The following GALNT16 variants were observed in gnomAD, a reference collection of about 807,000 sequenced individuals.
GALNT16 encodes the protein polypeptide N-acetylgalactosaminyltransferase 16.
A neutral mutation model predicts 76.1 loss-of-function variants in GALNT16; 40 were observed. That is an observed-to-expected ratio of 0.53 (90% CI 0.41 to 0.68). The LOEUF is 0.68. GALNT16 is among the 30% of genes least tolerant of loss of function. The pLI is 0.00. For synonymous variants in GALNT16, 276 were observed against 285.2 expected (o/e 0.97, Z 0.32); for missense variants, 621 against 731.9 (o/e 0.85, Z 1.75).
chr14:69,260,353 C>A lies in GALNT16; in HGVS notation c.63C>A (p.Phe21Leu), dbSNP rs754222893. Residue 21 changes from phenylalanine (F) to leucine (L), a missense_variant, in exon 1 of 15, where the codon TTC (phenylalanine) becomes TTA (leucine). Transcript: ENST00000448469. The part of the protein sequence containing the change: ...ILTVAWILGT[F>L]YYLWQDNRAH... ...CCGTAGCCTGGATCCTGGGCACTTTCTACTACTTATGGCAGGACAACCGAG... is the reference window on the plus strand; with the variant it reads ...CCGTAGCCTGGATCCTGGGCACTTTATACTACTTATGGCAGGACAACCGAG... The A allele has an allele frequency of 3.1e-6, 5 of 1,612,826 alleles. No homozygotes were observed. In the East Asian group the frequency reaches 1.1e-4, roughly 36 times the overall value.
At chr14:69,337,898 A>G (rs1461602844) in intron 9 of GALNT16, among the ~76,000 whole-genome samples, 1 of 152,182 alleles carries the variant, frequency 6.6e-6, no homozygotes, top group East Asian at 1.9e-4. Context: ...GGAAGAGACT[A>G]TAGGGTTAAT....
intron 1 of GALNT16, among the ~76,000 whole-genome samples, chr14:69,318,503 GTGAATGCAAGCATTCATAAACAAA>G: frequency 6.6e-6 from 1 of 152,202 alleles, no homozygotes; most frequent in South Asian, 2.1e-4. Flanking sequence ...GAATGGATGA[GTGAATGCAAGCATTCATAAACAAA>G]TGAATGCATG....
chr14:69,274,971 G>T (rs1208818992), intron 1 of GALNT16, among the ~76,000 whole-genome samples: 1 of 152,182 alleles, frequency 6.6e-6, no homozygotes, highest in African/African-American at 2.4e-5. Flanking sequence ...TACTTGTCAG[G>T]ATACCCACCA....
chr14:69,338,835 C>T (rs1645936051), intron 10 of GALNT16, 58 bp downstream of exon 10: 2 of 1,404,286 alleles, frequency 1.4e-6, no homozygotes, highest in Non-Finnish European at 2.0e-6. Context: ...CCCAAGCCCC[C>T]AGCCTTGCCA....
intron 12 of GALNT16, 121 bp downstream of exon 12, chr14:69,341,885 C>G (rs961666872): frequency 4.4e-6 from 3 of 677,008 alleles, no homozygotes; most frequent in Non-Finnish European, 8.1e-6. Flanking sequence ...TTCTAGCTGC[C>G]GGGTTTTATC....
At chr14:69,375,818 C>T in the GALNT16 span, among the ~76,000 whole-genome samples, 2 of 152,050 alleles carry the variant, frequency 1.3e-5, no homozygotes, top group South Asian at 4.1e-4. Flanking sequence ...ATTTTTATTT[C>T]GTAGAGACAG....
At chr14:69,305,477 A>T (rs1462964209) in intron 1 of GALNT16, among the ~76,000 whole-genome samples, 1 of 151,924 alleles carries the variant, frequency 6.6e-6, no homozygotes, top group Non-Finnish European at 1.5e-5. Context: ...CAAGTATTTT[A>T]TTGTGGTTTT....
intron 1 of GALNT16, among the ~76,000 whole-genome samples, chr14:69,306,255 C>T (rs375892062): frequency 1.6e-4 from 24 of 152,308 alleles, no homozygotes; most frequent in African/African-American, 5.8e-4. Flanking sequence ...TATATAATAA[C>T]TTACTGAGCC....
the GALNT16 span, chr14:69,380,341 AGAAAG>A: frequency 4.8e-6 from 2 of 418,046 alleles, no homozygotes; most frequent in Non-Finnish European, 8.5e-6. Flanking sequence ...AAAAAAAAAA[AGAAAG>A]AGAAAGAAAA....
At chr14:69,377,014 G>A in the GALNT16 span, among the ~76,000 whole-genome samples, 13 of 152,078 alleles carry the variant, frequency 8.5e-5, no homozygotes, top group African/African-American at 2.9e-4. Context: ...CCGTGTGTTC[G>A]GAGGATAATT....
chr14:69,380,306 AATC>A, the GALNT16 span: 1 of 401,502 alleles, frequency 2.5e-6, no homozygotes, highest in East Asian at 3.7e-5. Flanking sequence ...CTTCCATCTA[AATC>A]ATCATAAAAA....
chr14:69,357,861 T>C (rs188771482), downstream of GALNT16: 235 of 152,564 alleles, frequency 1.5e-3, 2 homozygotes, highest in Non-Finnish European at 2.8e-3. Context: ...GTCCAAGTGA[T>C]GCGTTTGCAC....
intron 7 of GALNT16, among the ~76,000 whole-genome samples, chr14:69,332,826 CTTT>C (rs763996589): frequency 3.4e-5 from 4 of 116,002 alleles, no homozygotes; most frequent in Admixed American, 8.4e-5. Context: ...TTGTTTTCTT[CTTT>C]TTTTTTTTTT....
At chr14:69,283,865 C>T (rs1209358942) in intron 1 of GALNT16, among the ~76,000 whole-genome samples, 1 of 152,182 alleles carries the variant, frequency 6.6e-6, no homozygotes, top group Non-Finnish European at 1.5e-5. Flanking sequence ...ATTCATTATG[C>T]ACCTACTATG....
intron 1 of GALNT16, among the ~76,000 whole-genome samples, chr14:69,270,692 C>T (rs2044396613): frequency 6.6e-6 from 1 of 152,210 alleles, no homozygotes; most frequent in South Asian, 2.1e-4. Context: ...CTTCTGACGC[C>T]TCACACATCT....
intron 1 of GALNT16, among the ~76,000 whole-genome samples, chr14:69,278,362 A>G (rs1199034660): frequency 6.6e-6 from 1 of 152,174 alleles, no homozygotes; most frequent in Non-Finnish European, 1.5e-5. Context: ...AGGAAATCAA[A>G]AGGAAGGAAA....
intron 1 of GALNT16, among the ~76,000 whole-genome samples, chr14:69,293,275 T>C (rs1594827354): frequency 6.6e-6 from 1 of 152,232 alleles, no homozygotes; most frequent in African/African-American, 2.4e-5. Context: ...AGGAACTGCA[T>C]TGGCTTCTTG....
the GALNT16 span, among the ~76,000 whole-genome samples, chr14:69,364,217 T>C: frequency 6.6e-6 from 1 of 152,216 alleles, no homozygotes; most frequent in African/African-American, 2.4e-5. This position sits in a 1 kb window ranked among gnomAD's most constrained non-coding sequence, Gnocchi z 4.2. Flanking sequence ...CTTTGTCAGT[T>C]TGTTCTCGGC....
chr14:69,384,529 A>G, the GALNT16 span, among the ~76,000 whole-genome samples: 2 of 152,218 alleles, frequency 1.3e-5, no homozygotes, highest in Non-Finnish European at 2.9e-5. Context: ...CTTCCCACTT[A>G]CTGGGAGTAA....
Sources: allele counts gnomAD v4.1 joint callset (sites outside exome capture counted in the v4.1 genomes callset), GRCh38; gene constraint gnomAD v4.1.1; non-coding constraint Gnocchi (gnomAD v3.1); transcripts MANE v1.5; gene names NCBI Gene and HGNC (gene_info 2026-07-23, HGNC 2026-07-21).